PRKG1: variants seen among roughly 807,000 people sequenced by gnomAD.
PRKG1 encodes cGMP-dependent protein kinase 1.
A neutral mutation model predicts 88.1 loss-of-function variants in PRKG1; 35 were observed. The observed-to-expected ratio is 0.40, with a 90% CI of 0.30 to 0.53. PRKG1 has a LOEUF of 0.53. Among genes scored for constraint, PRKG1 ranks in the 20% least tolerant of loss-of-function variants. PRKG1 has a pLI of 0.59. For synonymous variants in PRKG1, 303 were observed against 292.5 expected, an observed-to-expected ratio of 1.04 and a Z score of -0.37; for missense variants, 540 against 839.8, an observed-to-expected ratio of 0.64 and a Z score of 4.41.
intron 1 of PRKG1, among the ~76,000 whole-genome samples, chr10:51,026,201 C>G (rs1454712300): frequency 2.6e-5 from 4 of 152,266 alleles, no homozygotes; most frequent in African/African-American, 4.8e-5. Context: ...TTTTGGACTT[C>G]TAGCCTCCTG....
chr10:52,040,837 T>TTC (rs1845738114), intron 5 of PRKG1, among the ~76,000 whole-genome samples: 1 of 142,106 alleles, frequency 7.0e-6, no homozygotes. Context: ...CTTTTCTTTT[T>TTC]TTTTTTTTTT....
chr10:52,131,161 G>A (rs1048666973), intron 7 of PRKG1, among the ~76,000 whole-genome samples: 101 of 152,248 alleles, frequency 6.6e-4, no homozygotes, highest in African/African-American at 2.4e-3. Context: ...TATGATGGAT[G>A]TCTGTGCCAT....
upstream of PRKG1, among the ~76,000 whole-genome samples, chr10:51,074,040 C>T (rs1409936068): frequency 6.6e-6 from 1 of 152,084 alleles, no homozygotes; most frequent in African/African-American, 2.4e-5. Context: ...CTGGAGTCAG[C>T]TGAGGCCTCC....
intron 2 of PRKG1, among the ~76,000 whole-genome samples, chr10:51,459,391 T>G (rs1036095505): frequency 6.6e-6 from 1 of 152,164 alleles, no homozygotes; most frequent in African/African-American, 2.4e-5. Context: ...AACCTCTAGC[T>G]TCTTCATTTT....
At chr10:51,842,866 A>G (rs181561024) in intron 4 of PRKG1, among the ~76,000 whole-genome samples, 11 of 152,078 alleles carry the variant, frequency 7.2e-5, no homozygotes, top group African/African-American at 2.4e-4. Context: ...TTTGCCTGCA[A>G]TTAAAAATAT....
intron 3 of PRKG1, among the ~76,000 whole-genome samples, chr10:51,560,237 A>G (rs1222546609): frequency 6.6e-6 from 1 of 152,056 alleles, no homozygotes; most frequent in Non-Finnish European, 1.5e-5. Flanking sequence ...AGCACAAAGG[A>G]CTGGTTAAGT....
At chr10:52,284,592 G>C (rs908425573) in intron 14 of PRKG1, among the ~76,000 whole-genome samples, 1 of 152,000 alleles carries the variant, frequency 6.6e-6, no homozygotes, top group Non-Finnish European at 1.5e-5. Flanking sequence ...TATGAAGTAT[G>C]GCATGTGACT....
chr10:51,603,018 C>T (rs895722249), intron 3 of PRKG1, among the ~76,000 whole-genome samples: 8 of 151,850 alleles, frequency 5.3e-5, no homozygotes, highest in South Asian at 4.2e-4. Flanking sequence ...AGTACAGTGG[C>T]GCAATCTGGG....
intron 2 of PRKG1, among the ~76,000 whole-genome samples, chr10:51,371,602 G>A (rs146523319): frequency 5.7e-4 from 87 of 152,254 alleles, no homozygotes; most frequent in African/African-American, 2.1e-3. Flanking sequence ...GCTTTTGTGA[G>A]TAACACTCCT....
chr10:51,383,828 A>G (rs1239475857), intron 2 of PRKG1, among the ~76,000 whole-genome samples: 4 of 152,144 alleles, frequency 2.6e-5, no homozygotes, highest in Non-Finnish European at 4.4e-5. Flanking sequence ...TTTGATTATC[A>G]ACTCTTTTTA....
chr10:51,563,783 G>A (rs1344692527), intron 3 of PRKG1, among the ~76,000 whole-genome samples: 4 of 151,952 alleles, frequency 2.6e-5, no homozygotes, highest in Admixed American at 6.6e-5. Flanking sequence ...TACTAATCTC[G>A]GCCACTATGT....
chr10:51,206,761 T>C (rs1416325251), intron 2 of PRKG1, among the ~76,000 whole-genome samples: 1 of 152,186 alleles, frequency 6.6e-6, no homozygotes, highest in Non-Finnish European at 1.5e-5. Context: ...GAGCAGCTTT[T>C]TCAGAAACTG....
intron 2 of PRKG1, among the ~76,000 whole-genome samples, chr10:51,154,040 G>A (rs567725043): frequency 8.6e-5 from 13 of 151,966 alleles, no homozygotes; most frequent in Non-Finnish European, 1.5e-4. Flanking sequence ...AAGAAAGTGA[G>A]TGCAGAAATA....
At chr10:51,932,627 C>T (rs953177651) in intron 5 of PRKG1, among the ~76,000 whole-genome samples, 1 of 152,106 alleles carries the variant, frequency 6.6e-6, no homozygotes, top group Non-Finnish European at 1.5e-5. Context: ...CGTGGGGTTT[C>T]GTTGTGCCTC....
intron 2 of PRKG1, among the ~76,000 whole-genome samples, chr10:51,435,631 A>G (rs293336): frequency 0.84 from 128,208 of 151,856 alleles, 54,648 homozygotes; most frequent in African/African-American, 0.92. Context: ...ACTGGAAACT[A>G]TATTTATGCT....
intron 3 of PRKG1, among the ~76,000 whole-genome samples, chr10:51,722,409 G>A (rs1269486516): frequency 1.3e-5 from 2 of 151,710 alleles, no homozygotes; most frequent in Non-Finnish European, 2.9e-5. Flanking sequence ...CACCATTCCT[G>A]TCCACAAGGA....
At chr10:52,053,568 A>G (rs997731455) in intron 5 of PRKG1, among the ~76,000 whole-genome samples, 2 of 152,182 alleles carry the variant, frequency 1.3e-5, no homozygotes, top group African/African-American at 4.8e-5. Context: ...CAGATGGCAC[A>G]GTTCTCATTT....
intron 5 of PRKG1, among the ~76,000 whole-genome samples, chr10:51,965,846 AAG>A (rs1843555094): frequency 6.6e-6 from 1 of 152,174 alleles, no homozygotes; most frequent in Admixed American, 6.6e-5. Flanking sequence ...ATCTAGAGAG[AAG>A]AGTTAGTTGC....
intron 1 of PRKG1, among the ~76,000 whole-genome samples, chr10:51,114,957 A>G (rs1417492832): frequency 6.6e-6 from 1 of 152,186 alleles, no homozygotes; most frequent in Non-Finnish European, 1.5e-5. Context: ...TGGCTTATCC[A>G]ATGAGTATTT....
Sources: gnomAD v4.1 joint callset for allele counts (sites outside exome capture counted in the v4.1 genomes callset) on GRCh38, gnomAD v4.1.1 for gene constraint, MANE v1.5 for transcripts, NCBI Gene and HGNC (gene_info 2026-07-23, HGNC 2026-07-21) for gene names.